The following DIS3L2 variants were observed in gnomAD, a reference collection of about 807,000 sequenced individuals.
The protein encoded by DIS3L2 is DIS3 like 3'-5' exoribonuclease 2.
In DIS3L2, 34 loss-of-function variants were observed where a neutral mutation model predicts 97.5. The ratio of observed to expected loss-of-function variants is 0.35; its 90% confidence interval spans 0.27 to 0.46. The LOEUF (loss-of-function observed/expected upper bound fraction) is 0.46. Among genes scored for constraint, DIS3L2 ranks in the 20% least tolerant of loss-of-function variants. The pLI, the probability that DIS3L2 is intolerant of heterozygous loss-of-function variation, is 1.00. For synonymous variants in DIS3L2, 435 were observed against 445.2 expected, an observed-to-expected ratio of 0.98 and a Z score of 0.29; for missense variants, 1,038 against 1,146.0, an observed-to-expected ratio of 0.91 and a Z score of 1.36.
rs1694694292 is a variant in DIS3L2 at position 232,027,591 on chromosome 2, G to A, written c.265-2388G>A. 2.0e-5 allele frequency among the ~76,000 whole-genome samples: 3 copies of A among 152,170 alleles called. No individual in the cohort carries two copies. The South Asian group carries it at 6.2e-4, about 32-fold the overall frequency. ...TCTTACTCACTCTAAAAATGGTTGTGAATTTACACAATGTCATTTGCTATG... is the reference window on the plus strand; with the variant it reads ...TCTTACTCACTCTAAAAATGGTTGTAAATTTACACAATGTCATTTGCTATG... On this transcript the variant is annotated intron_variant, in intron 4 of 20. Transcript: ENST00000325385.
At chr2:232,017,941 T>C (rs1364387737) in intron 3 of DIS3L2, among the ~76,000 whole-genome samples, 2 of 152,240 alleles carry the variant, frequency 1.3e-5, no homozygotes, top group Admixed American at 6.5e-5. Context: ...AGACTGTTCA[T>C]GTCCTTGATG....
At chr2:232,083,973 T>C (rs1696495197) in intron 5 of DIS3L2, among the ~76,000 whole-genome samples, 1 of 152,216 alleles carries the variant, frequency 6.6e-6, no homozygotes, top group African/African-American at 2.4e-5. Flanking sequence ...TATACACCTG[T>C]GCCTTCTGCC....
rs1364536314 is a variant in DIS3L2 at position 232,281,566 on chromosome 2, G to A, written c.1659+18126G>A. Reference sequence around the variant, plus strand: ...CAAGGTGTAGACATCAAGGAAGCCAGTTAGATGGCTGTGGCTGTATGCAGG... The same window carrying A: ...CAAGGTGTAGACATCAAGGAAGCCAATTAGATGGCTGTGGCTGTATGCAGG... On this transcript the variant is annotated intron_variant, in intron 13 of 20. Transcript: ENST00000325385. This position sits in a 1 kb window ranked among gnomAD's most constrained non-coding sequence, Gnocchi z 4.1. Among the ~76,000 whole-genome samples the A allele has an allele frequency of 6.6e-6, 1 of 152,182 alleles. No individual in the cohort carries two copies. The highest frequency in any genetic ancestry group is 2.4e-5 in the African/African-American group (1 of 41,446).
At chr2:231,967,274 A>G (rs1483996976) in intron 1 of DIS3L2, among the ~76,000 whole-genome samples, 1 of 152,202 alleles carries the variant, frequency 6.6e-6, no homozygotes, top group Non-Finnish European at 1.5e-5. Flanking sequence ...ATGCTAATTG[A>G]AGAATTCTGC....
At chr2:232,101,891 A>T (rs754519776) in intron 6 of DIS3L2, among the ~76,000 whole-genome samples, 2 of 152,256 alleles carry the variant, frequency 1.3e-5, no homozygotes, top group Non-Finnish European at 2.9e-5. Context: ...TCATTGCTGG[A>T]TACTAAAACT....
intron 10 of DIS3L2, among the ~76,000 whole-genome samples, chr2:232,215,866 C>T (rs1692318075): frequency 6.6e-6 from 1 of 152,126 alleles, no homozygotes; most frequent in African/African-American, 2.4e-5. Context: ...ATGTGAGAGC[C>T]CTGGGGCTTC....
At chr2:232,059,003 T>A (rs1695626254) in intron 5 of DIS3L2, among the ~76,000 whole-genome samples, 1 of 152,212 alleles carries the variant, frequency 6.6e-6, no homozygotes, top group South Asian at 2.1e-4. Context: ...GAGTTCATAG[T>A]CTTGTATTTT....
chr2:232,225,039 C>T (rs1172769492), intron 10 of DIS3L2, among the ~76,000 whole-genome samples: 4 of 151,888 alleles, frequency 2.6e-5, no homozygotes, highest in Non-Finnish European at 5.9e-5. Context: ...AGATGAAAAC[C>T]ACAATAAGAT....
intron 7 of DIS3L2, chr2:232,131,814 C>CTG (rs1698224452): frequency 6.6e-6 from 1 of 151,908 alleles, no homozygotes; most frequent in Non-Finnish European, 1.5e-5. Flanking sequence ...TGAGTACTAA[C>CTG]TGTGCTCCAG....
At chr2:232,048,788 G>A (rs1396651202) in intron 5 of DIS3L2, among the ~76,000 whole-genome samples, 1 of 152,004 alleles carries the variant, frequency 6.6e-6, no homozygotes, top group African/African-American at 2.4e-5. Flanking sequence ...TGTTGAAGGA[G>A]GTTGTTTATT....
At chr2:232,306,551 A>G (rs1410239580) in intron 14 of DIS3L2, among the ~76,000 whole-genome samples, 1 of 152,078 alleles carries the variant, frequency 6.6e-6, no homozygotes, top group Admixed American at 6.5e-5. Flanking sequence ...TATTTTATCT[A>G]TTAGTTCTCT....
rs1694312197 is a variant in DIS3L2 at position 232,014,938 on chromosome 2, C to T, written c.11C>T (p.Pro4Leu). The T allele has an allele frequency of 6.2e-7, 1 of 1,613,974 alleles. No individual in the cohort carries two copies. The highest frequency in any genetic ancestry group is 1.3e-5 in the African/African-American group (1 of 75,028). Residue 4 changes from proline (P) to leucine (L), a missense_variant, in exon 2 of 21, where the codon CCT becomes CTT. Around this residue, in one of 3 missense-constraint regions of DIS3L2, gnomAD observed 813 missense variants for 880.1 expected, o/e 0.92. Coordinates refer to ENST00000325385, the MANE Select transcript of DIS3L2 (RefSeq NM_152383.5). The stretch of plus-strand genomic sequence containing the variant: ...ACCTTGGAGCCAATAATGAGCCATC[C>T]TGACTACAGAATGAACCTCCGGCCC... MSH[P>L]DYRMNLRPLG... is the part of the protein sequence containing the mutation.
chr2:232,309,845 TAGA>T (rs1445084385), intron 14 of DIS3L2, among the ~76,000 whole-genome samples: 1 of 152,228 alleles, frequency 6.6e-6, no homozygotes, highest in African/African-American at 2.4e-5. Flanking sequence ...TTGTCAGTAG[TAGA>T]AGATCTGAGT....
intron 7 of DIS3L2, among the ~76,000 whole-genome samples, chr2:232,135,296 G>A (rs1211155598): frequency 6.6e-6 from 1 of 152,110 alleles, no homozygotes; most frequent in African/African-American, 2.4e-5. Flanking sequence ...AACCAGAAGA[G>A]GGTGCACATA....
chr2:232,301,524 T>C (rs1032299245), intron 14 of DIS3L2, among the ~76,000 whole-genome samples: 1 of 152,178 alleles, frequency 6.6e-6, no homozygotes, highest in African/African-American at 2.4e-5. Flanking sequence ...GAAGAGAGGC[T>C]ACCGGGTGCC....
chr2:232,041,511 G>C (rs1695111008), intron 5 of DIS3L2, among the ~76,000 whole-genome samples: 1 of 152,186 alleles, frequency 6.6e-6, no homozygotes, highest in Non-Finnish European at 1.5e-5. Context: ...GAATTGACTA[G>C]AGCCATACTG....
At chr2:232,081,615 C>G (rs190154057) in intron 5 of DIS3L2, among the ~76,000 whole-genome samples, 1 of 152,226 alleles carries the variant, frequency 6.6e-6, no homozygotes, top group East Asian at 1.9e-4. Flanking sequence ...GTAGAATTCT[C>G]CATAGTTGAC....
At chr2:232,121,599 T>A (rs184899495) in intron 6 of DIS3L2, among the ~76,000 whole-genome samples, 1 of 152,196 alleles carries the variant, frequency 6.6e-6, no homozygotes. Flanking sequence ...CTTCCTGTGA[T>A]GGCTCCTCAT....
At chr2:232,218,626 C>T (rs189057704) in intron 10 of DIS3L2, among the ~76,000 whole-genome samples, 65 of 152,250 alleles carry the variant, frequency 4.3e-4, no homozygotes, top group Admixed American at 1.9e-3. Flanking sequence ...GTTTCTTCTC[C>T]GCCTCTTGCT....
Sources: allele counts gnomAD v4.1 joint callset (sites outside exome capture counted in the v4.1 genomes callset), GRCh38; gene constraint gnomAD v4.1.1; regional missense constraint gnomAD v4.1.1; non-coding constraint Gnocchi (gnomAD v3.1); transcripts MANE v1.5; gene names NCBI Gene and HGNC (gene_info 2026-07-23, HGNC 2026-07-21).